FOXP1: variants seen among roughly 807,000 people sequenced by gnomAD.
FOXP1 encodes the protein forkhead box protein P1.
Under a neutral mutation model 98.2 loss-of-function variants are expected in FOXP1, and 15 were observed. The ratio of observed to expected loss-of-function variants is 0.15; its 90% CI spans 0.10 to 0.24. FOXP1 has a LOEUF of 0.24. FOXP1 is among the 10% of genes least tolerant of loss of function. The pLI is 1.00. For synonymous variants in FOXP1, 371 were observed against 314.5 expected, an observed-to-expected ratio of 1.18 and a Z score of -1.90; for missense variants, 633 against 848.5, an observed-to-expected ratio of 0.75 and a Z score of 3.15.
At position 71,238,439 on chromosome 3, in the gene FOXP1, G is replaced by T. The variant is rs1733534; in HGVS notation, c.-11-40047C>A. ...GCATGCCTCTAAAGGGGTGTGGGGG[G>T]GTGTGTGTGTGTGTCTACAAGGAAA... On this transcript the variant is annotated intron_variant, in intron 5 of 20. Transcript: ENST00000649528. Among the ~76,000 whole-genome samples, 1,372 of 151,922 alleles carry T rather than the reference G, an allele frequency of 9.0e-3. 16 individuals are homozygous for T. Among genetic ancestry groups the T allele is most frequent in the Middle Eastern group, 0.027 (8 of 294 alleles).
intron 6 of FOXP1, among the ~76,000 whole-genome samples, chr3:71,134,143 G>A (rs2059705516): frequency 6.6e-6 from 1 of 152,190 alleles, no homozygotes; most frequent in Non-Finnish European, 1.5e-5. Flanking sequence ...AAGGCTTTCA[G>A]TATCTTGTTT....
At chr3:71,152,656 C>G (rs768516407) in intron 6 of FOXP1, among the ~76,000 whole-genome samples, 6 of 152,068 alleles carry the variant, frequency 3.9e-5, no homozygotes, top group Non-Finnish European at 7.4e-5. Flanking sequence ...GAGGAAGTAA[C>G]CTGACTCTCT....
chr3:71,290,148 T>C (rs2072592163), intron 5 of FOXP1, among the ~76,000 whole-genome samples: 2 of 152,180 alleles, frequency 1.3e-5, no homozygotes, highest in African/African-American at 2.4e-5. Flanking sequence ...TCTCCCTTGC[T>C]TACCTCCCCT....
At chr3:71,483,986 A>T (rs73093438) in intron 3 of FOXP1, among the ~76,000 whole-genome samples, 1 of 152,192 alleles carries the variant, frequency 6.6e-6, no homozygotes, top group Non-Finnish European at 1.5e-5. Context: ...TGGCCTCATT[A>T]TCCACCAGCT....
In FOXP1 at chr3:71,001,013, A is replaced by G. The variant is rs2107612940; in HGVS notation, c.1021T>C (p.Cys341Arg). Reference sequence around the variant, plus strand: ...TGTACAACCTGCATTTGTACTCTACATTGGGCTGTACTTCTATCGTCCAGC... The same window carrying G: ...TGTACAACCTGCATTTGTACTCTACGTTGGGCTGTACTTCTATCGTCCAGC... The part of the protein sequence containing the change: ...HALDDRSTAQ[C>R]RVQMQVVQQL... The change falls in exon 13 of 21, where the codon TGT becomes CGT. Residue 341 changes from cysteine to arginine, a missense_variant. By Grantham distance (180) the Cys-to-Arg change is radical. Around this residue, in one of 6 missense-constraint regions of FOXP1, gnomAD observed 23 missense variants for 92.9 expected, o/e 0.25. Coordinates refer to ENST00000649528, the MANE Select transcript of FOXP1 (RefSeq NM_001349338.3). 1 of 1,613,726 alleles carries G rather than the reference A, an allele frequency of 6.2e-7. No individual in the cohort carries two copies. Among genetic ancestry groups the G allele is most frequent in the Non-Finnish European group, 8.5e-7 (1 of 1,179,680 alleles).
At chr3:71,451,234 T>G (rs923752275) in intron 3 of FOXP1, among the ~76,000 whole-genome samples, 3 of 152,218 alleles carry the variant, frequency 2.0e-5, no homozygotes, top group Non-Finnish European at 4.4e-5. Context: ...ATTCACTTAC[T>G]GGCCGGCCAG....
intron 19 of FOXP1, chr3:70,968,362 T>C (rs1298584019): frequency 1.5e-5 from 2 of 134,140 alleles, no homozygotes; most frequent in African/African-American, 6.3e-5. Context: ...CCTAACAAAG[T>C]GTTTTTTTTT....
intron 7 of FOXP1, among the ~76,000 whole-genome samples, chr3:71,082,924 A>G (rs2054607365): frequency 1.3e-5 from 2 of 152,170 alleles, no homozygotes; most frequent in Admixed American, 1.3e-4. Context: ...TAAGGAGCAA[A>G]ATGTCTATAT....
chr3:71,325,279 C>G (rs2075624387), intron 4 of FOXP1, among the ~76,000 whole-genome samples: 1 of 152,136 alleles, frequency 6.6e-6, no homozygotes, highest in African/African-American at 2.4e-5. Context: ...TCTCGAACTC[C>G]TGGCCTCAGG....
At chr3:71,124,289 T>C (rs2058999422) in intron 6 of FOXP1, among the ~76,000 whole-genome samples, 1 of 151,822 alleles carries the variant, frequency 6.6e-6, no homozygotes, top group African/African-American at 2.4e-5. Flanking sequence ...AGGTTGGGCC[T>C]TTCTCAGTTT....
chr3:70,985,112 T>C (rs1443099375), intron 14 of FOXP1, among the ~76,000 whole-genome samples: 1 of 152,058 alleles, frequency 6.6e-6, no homozygotes. Flanking sequence ...TACACAGAAA[T>C]GGAAAAAAGA....
chr3:71,213,594 G>T (rs1040338263), intron 5 of FOXP1, among the ~76,000 whole-genome samples: 16 of 152,140 alleles, frequency 1.1e-4, no homozygotes, highest in Admixed American at 8.5e-4. Flanking sequence ...GAGGCAGGCG[G>T]ATCACAAGGT....
At chr3:71,530,033 T>G (rs2043708082) in intron 2 of FOXP1, among the ~76,000 whole-genome samples, 1 of 152,138 alleles carries the variant, frequency 6.6e-6, no homozygotes, top group Non-Finnish European at 1.5e-5. Flanking sequence ...GCCCTTAACC[T>G]GTGGGATCTG....
intron 6 of FOXP1, among the ~76,000 whole-genome samples, chr3:71,131,160 T>A (rs1032906194): frequency 1.3e-5 from 2 of 152,146 alleles, no homozygotes; most frequent in African/African-American, 4.8e-5. Context: ...ATGCCCTGGA[T>A]CTGGCTTTGA....
chr3:71,372,375 C>T (rs1374408187), intron 3 of FOXP1, among the ~76,000 whole-genome samples: 1 of 152,110 alleles, frequency 6.6e-6, no homozygotes, highest in Non-Finnish European at 1.5e-5. Context: ...AGAGGCCTTC[C>T]CTGGCTAGAC....
chr3:71,327,003 C>T (rs948423918), intron 4 of FOXP1, among the ~76,000 whole-genome samples: 1 of 152,150 alleles, frequency 6.6e-6, no homozygotes, highest in Middle Eastern at 3.2e-3. Flanking sequence ...AGCAAGGTAA[C>T]TAGTCCCAAT....
Position 70,966,045 on chromosome 3 carries a change from A to G in FOXP1, c.1734T>C (p.Ala578=), listed in dbSNP as rs1433144041. 1.2e-6 allele frequency: 2 copies of G among 1,614,156 alleles called. No homozygotes were observed. The highest frequency in any genetic ancestry group is 1.7e-6 in the Non-Finnish European group (2 of 1,179,988). The change falls in exon 20 of 21, where the codon GCT becomes GCC. Residue 578 remains alanine, a synonymous_variant. Coordinates refer to ENST00000649528, the MANE Select transcript of FOXP1 (RefSeq NM_001349338.3). ...PLNAALQASM[A]ENSIPLYTTA... is the part of the protein sequence containing the mutation. ...TAGTGTATAGAGGTATACTATTCTCAGCCATTGAAGCCTGTCATCAACCAA... is the reference window on the plus strand; with the variant it reads ...TAGTGTATAGAGGTATACTATTCTCGGCCATTGAAGCCTGTCATCAACCAA...
intron 11 of FOXP1, among the ~76,000 whole-genome samples, chr3:71,023,580 C>T (rs897929509): frequency 2.6e-5 from 4 of 152,112 alleles, no homozygotes; most frequent in African/African-American, 9.7e-5. Context: ...CAAAATGATC[C>T]TACTTTCCCT....
At chr3:71,530,876 C>G (rs1292541221) in intron 2 of FOXP1, among the ~76,000 whole-genome samples, 1 of 152,106 alleles carries the variant, frequency 6.6e-6, no homozygotes, top group Admixed American at 6.5e-5. Context: ...GAAAACTACC[C>G]CCCAACCCCA....
Sources: allele counts gnomAD v4.1 joint callset (sites outside exome capture counted in the v4.1 genomes callset), GRCh38; gene constraint gnomAD v4.1.1; regional missense constraint gnomAD v4.1.1; transcripts MANE v1.5; gene names NCBI Gene and HGNC (gene_info 2026-07-23, HGNC 2026-07-21).